The following MAF variants were observed in gnomAD, a reference collection of about 807,000 sequenced individuals.
MAF encodes transcription factor Maf.
A neutral mutation model predicts 22.0 loss-of-function variants in MAF; 10 were observed. The ratio of observed to expected loss-of-function variants is 0.45; its 90% CI spans 0.28 to 0.77. The LOEUF (loss-of-function observed/expected upper bound fraction) is 0.77. Among genes scored for constraint, MAF ranks in the 30% least tolerant of loss-of-function variants. MAF has a pLI of 0.12. For missense variants in MAF, 544 were observed against 548.4 expected (o/e 0.99, Z 0.08); for synonymous variants, 337 against 255.8 (o/e 1.32, Z -3.03).
chr16:79,457,478 G>A, the MAF span, among the ~76,000 whole-genome samples: 1 of 150,446 alleles, frequency 6.6e-6, no homozygotes, highest in Non-Finnish European at 1.5e-5. Context: ...AGTGTCAAGA[G>A]CAATACTGAA....
the MAF span, among the ~76,000 whole-genome samples, chr16:79,503,289 C>T: frequency 6.6e-6 from 1 of 152,098 alleles, no homozygotes; most frequent in Non-Finnish European, 1.5e-5. Flanking sequence ...AGAAACGATG[C>T]TAAGTAGTTA....
chr16:79,556,136 C>T, the MAF span, among the ~76,000 whole-genome samples: 243 of 152,072 alleles, frequency 1.6e-3, 1 homozygote, highest in South Asian at 0.045. Flanking sequence ...TTGCAAAATT[C>T]CTGAAAATTT....
the MAF span, among the ~76,000 whole-genome samples, chr16:79,564,954 G>T: frequency 6.6e-6 from 1 of 152,204 alleles, no homozygotes; most frequent in Non-Finnish European, 1.5e-5. Flanking sequence ...TGTAAAAAAT[G>T]TGGTACCTCG....
chr16:79,315,428 T>G, the MAF span, among the ~76,000 whole-genome samples: 1 of 152,182 alleles, frequency 6.6e-6, no homozygotes. Context: ...ATTATAAAAT[T>G]TATTATAGAT....
At chr16:79,290,670 G>A in the MAF span, among the ~76,000 whole-genome samples, 1 of 152,132 alleles carries the variant, frequency 6.6e-6, no homozygotes, top group African/African-American at 2.4e-5. Flanking sequence ...TACATAAAAC[G>A]GGTGTGCTTT....
At chr16:79,241,177 G>A in the MAF span, among the ~76,000 whole-genome samples, 2 of 152,186 alleles carry the variant, frequency 1.3e-5, no homozygotes, top group South Asian at 4.2e-4. Context: ...GAACAAAACT[G>A]GATGGAGAAT....
the MAF span, among the ~76,000 whole-genome samples, chr16:79,348,835 G>C: frequency 6.6e-6 from 1 of 152,228 alleles, no homozygotes; most frequent in African/African-American, 2.4e-5. Context: ...CAGATATTCT[G>C]ATCCATTCTC....
chr16:79,555,646 T>A, the MAF span, among the ~76,000 whole-genome samples: 1 of 152,208 alleles, frequency 6.6e-6, no homozygotes, highest in Non-Finnish European at 1.5e-5. Context: ...ACCAACATGA[T>A]GCTGAAAGGA....
chr16:79,361,995 C>A, the MAF span, among the ~76,000 whole-genome samples: 1 of 152,134 alleles, frequency 6.6e-6, no homozygotes, highest in Non-Finnish European at 1.5e-5. Context: ...AGATCGTTAA[C>A]CCCATTTGAA....
At chr16:79,218,095 T>C in the MAF span, among the ~76,000 whole-genome samples, 16 of 148,582 alleles carry the variant, frequency 1.1e-4, no homozygotes, top group Admixed American at 2.0e-4. Context: ...TTAGCTGAGG[T>C]CACTTTAGAA....
At chr16:79,516,828 A>G in the MAF span, among the ~76,000 whole-genome samples, 2 of 101,468 alleles carry the variant, frequency 2.0e-5, no homozygotes, top group Non-Finnish European at 4.2e-5. Flanking sequence ...AGACAGAGCT[A>G]ACGTCTCAGG....
chr16:79,239,796 A>G, the MAF span, among the ~76,000 whole-genome samples: 17 of 151,998 alleles, frequency 1.1e-4, no homozygotes, highest in Non-Finnish European at 1.5e-4. Flanking sequence ...CAAAATATCT[A>G]TTGACTGAGC....
the MAF span, among the ~76,000 whole-genome samples, chr16:79,568,036 T>A: frequency 5.9e-5 from 9 of 152,346 alleles, no homozygotes; most frequent in South Asian, 1.9e-3. Context: ...AAGCTGCATC[T>A]TTAATTCATT....
At chr16:79,239,391 T>A in the MAF span, among the ~76,000 whole-genome samples, 1 of 152,028 alleles carries the variant, frequency 6.6e-6, no homozygotes, top group Admixed American at 6.6e-5. Context: ...CAAGTTGGAA[T>A]GAGTTGGTTA....
the MAF span, among the ~76,000 whole-genome samples, chr16:79,477,567 T>A: frequency 1.3e-5 from 2 of 152,200 alleles, no homozygotes; most frequent in African/African-American, 4.8e-5. Flanking sequence ...ACAGTTGCCT[T>A]ATGAACACTT....
the MAF span, chr16:79,212,521 A>C: frequency 5.6e-6 from 1 of 177,656 alleles, no homozygotes; most frequent in Non-Finnish European, 1.2e-5. Context: ...AAGAATACAC[A>C]GGATATTTTG....
At chr16:79,508,448 C>T in the MAF span, among the ~76,000 whole-genome samples, 3 of 152,032 alleles carry the variant, frequency 2.0e-5, no homozygotes, top group East Asian at 1.9e-4. Context: ...CTAGCCTTGC[C>T]CCTTCATGCC....
chr16:79,221,263 T>G, the MAF span, among the ~76,000 whole-genome samples: 1 of 152,246 alleles, frequency 6.6e-6, no homozygotes, highest in Non-Finnish European at 1.5e-5. Flanking sequence ...AGTACTTGGC[T>G]TTGTGCTCTT....
chr16:79,591,307 T>C (rs920937260), downstream of MAF, among the ~76,000 whole-genome samples: 1 of 151,942 alleles, frequency 6.6e-6, no homozygotes, highest in African/African-American at 2.4e-5. Flanking sequence ...CAGGGGAAAA[T>C]ACAGAAAACT....
Sources: gnomAD v4.1 joint callset for allele counts (sites outside exome capture counted in the v4.1 genomes callset) on GRCh38, gnomAD v4.1.1 for gene constraint, MANE v1.5 for transcripts, NCBI Gene and HGNC (gene_info 2026-07-23, HGNC 2026-07-21) for gene names.